Variants in C12orf42 observed in about 807,000 individuals in gnomAD.
C12orf42 encodes the protein uncharacterized protein C12orf42.
C12orf42 carries 25 observed loss-of-function variants against 21.6 expected under a neutral mutation model. The ratio of observed to expected loss-of-function variants is 1.16; its 90% confidence interval spans 0.84 to 1.62. The LOEUF (loss-of-function observed/expected upper bound fraction) is 1.62. Among genes scored for constraint, C12orf42 ranks in the 40% most tolerant of loss-of-function variants. C12orf42 has a pLI of 0.00. For synonymous variants in C12orf42, 174 were observed against 175.0 expected, an observed-to-expected ratio of 0.99 and a Z score of 0.05; for missense variants, 483 against 459.3, an observed-to-expected ratio of 1.05 and a Z score of -0.47.
chr12:103,457,268 A>G (rs1952363018), intron 2 of C12orf42, among the ~76,000 whole-genome samples: 1 of 152,178 alleles, frequency 6.6e-6, no homozygotes, highest in Non-Finnish European at 1.5e-5. Context: ...ATATAACCGA[A>G]TTTCTGTATC....
At chr12:103,115,591 CGG>C in the C12orf42 span, among the ~76,000 whole-genome samples, 456 of 152,208 alleles carry the variant, frequency 3.0e-3, 1 homozygote, top group Non-Finnish European at 5.6e-3. Flanking sequence ...ACCCACTTCC[CGG>C]AGTTGTTTTG....
At chr12:103,078,053 G>T in the C12orf42 span, among the ~76,000 whole-genome samples, 1 of 152,154 alleles carries the variant, frequency 6.6e-6, no homozygotes, top group East Asian at 1.9e-4. Context: ...ATCTGCTTTA[G>T]CTCTGTCACT....
At chr12:103,320,211 G>A (rs1219602580) in intron 4 of C12orf42, among the ~76,000 whole-genome samples, 6 of 152,242 alleles carry the variant, frequency 3.9e-5, no homozygotes, top group South Asian at 2.1e-4. Flanking sequence ...CAGACATTAC[G>A]GTGAGAGATA....
chr12:103,550,532 C>T, the C12orf42 span: 1 of 152,034 alleles, frequency 6.6e-6, no homozygotes, highest in Non-Finnish European at 1.5e-5. Context: ...CATTGAGATT[C>T]TTGATACAAG....
chr12:103,336,240 C>T (rs1443994960), intron 4 of C12orf42, among the ~76,000 whole-genome samples: 2 of 152,216 alleles, frequency 1.3e-5, no homozygotes, highest in Non-Finnish European at 1.5e-5. Context: ...GTTGCTATCA[C>T]TGGCCTATAT....
the C12orf42 span, among the ~76,000 whole-genome samples, chr12:103,164,078 G>T: frequency 6.6e-6 from 1 of 152,186 alleles, no homozygotes; most frequent in Non-Finnish European, 1.5e-5. Flanking sequence ...TATGCTCTGT[G>T]CTAAGATCTG....
downstream of C12orf42, among the ~76,000 whole-genome samples, chr12:103,300,783 G>C (rs976552147): frequency 1.3e-5 from 2 of 152,142 alleles, no homozygotes; most frequent in East Asian, 3.8e-4. Flanking sequence ...TTGAATTTGT[G>C]ATTGTCACAT....
chr12:103,514,590 G>T, the C12orf42 span, among the ~76,000 whole-genome samples: 288 of 152,280 alleles, frequency 1.9e-3, 9 homozygotes, highest in South Asian at 0.022. Flanking sequence ...TTTACTCTGA[G>T]TAAAGTGGCA....
chr12:103,091,522 CA>C, the C12orf42 span, among the ~76,000 whole-genome samples: 1 of 151,898 alleles, frequency 6.6e-6, no homozygotes, highest in Admixed American at 6.6e-5. Flanking sequence ...GGGATAGAAA[CA>C]GGAGAAAGAA....
chr12:103,502,579 C>G, the C12orf42 span, among the ~76,000 whole-genome samples: 1 of 152,168 alleles, frequency 6.6e-6, no homozygotes, highest in Non-Finnish European at 1.5e-5. Context: ...TGGTAACATT[C>G]TGGTCTCAGC....
the C12orf42 span, among the ~76,000 whole-genome samples, chr12:103,072,140 C>T: frequency 2.0e-5 from 3 of 152,164 alleles, no homozygotes; most frequent in Admixed American, 6.6e-5. Context: ...TTTTGTGCTA[C>T]TTAAGCATCA....
chr12:103,358,024 G>T (rs1402299854), intron 4 of C12orf42, among the ~76,000 whole-genome samples: 6 of 152,026 alleles, frequency 3.9e-5, no homozygotes, highest in African/African-American at 1.4e-4. Flanking sequence ...TGGTAGACTG[G>T]TTGGTACAGT....
chr12:103,467,737 T>C (rs1953260968), intron 2 of C12orf42, among the ~76,000 whole-genome samples: 1 of 152,346 alleles, frequency 6.6e-6, no homozygotes, highest in African/African-American at 2.4e-5. Context: ...TTAAAAGATT[T>C]GTTTTTCAAT....
chr12:103,154,491 AT>A, the C12orf42 span, among the ~76,000 whole-genome samples: 43 of 150,396 alleles, frequency 2.9e-4, no homozygotes, highest in East Asian at 6.4e-3. Context: ...ATTCCATCAA[AT>A]TTTTTTTTTC....
chr12:103,420,181 G>A (rs914224570), intron 2 of C12orf42, among the ~76,000 whole-genome samples: 1 of 152,018 alleles, frequency 6.6e-6, no homozygotes, highest in Non-Finnish European at 1.5e-5. Flanking sequence ...TTATATTATA[G>A]ATATTTTCTA....
chr12:103,416,834 G>A (rs897196240), intron 2 of C12orf42, among the ~76,000 whole-genome samples: 1 of 152,136 alleles, frequency 6.6e-6, no homozygotes, highest in African/African-American at 2.4e-5. Flanking sequence ...ACCTTGAATA[G>A]TATGCTTCAA....
At chr12:103,357,007 G>A (rs1437307082) in intron 4 of C12orf42, among the ~76,000 whole-genome samples, 1 of 151,874 alleles carries the variant, frequency 6.6e-6, no homozygotes, top group Non-Finnish European at 1.5e-5. Context: ...GGACATGGAT[G>A]AAATTGGAAA....
chr12:103,375,324 T>C (rs1482485433), intron 3 of C12orf42, among the ~76,000 whole-genome samples: 1 of 152,234 alleles, frequency 6.6e-6, no homozygotes, highest in Non-Finnish European at 1.5e-5. Context: ...CTAGATGTAC[T>C]AAAATTTACA....
the C12orf42 span, among the ~76,000 whole-genome samples, chr12:103,089,528 G>A: frequency 1.4e-5 from 2 of 138,862 alleles, no homozygotes; most frequent in Non-Finnish European, 3.1e-5. Context: ...TATTTCATAT[G>A]AGAATTAGAC....
Sources: allele counts gnomAD v4.1 joint callset (sites outside exome capture counted in the v4.1 genomes callset), GRCh38; gene constraint gnomAD v4.1.1; transcripts MANE v1.5; gene names NCBI Gene and HGNC (gene_info 2026-07-23, HGNC 2026-07-21).